The following ABCA12 variants were observed in gnomAD, a reference collection of about 807,000 sequenced individuals.
ABCA12 encodes the protein ATP binding cassette subfamily A member 12, also known as glucosylceramide transporter ABCA12.
In ABCA12, 156 loss-of-function variants were observed where a neutral mutation model predicts 293.5. The ratio of observed to expected loss-of-function variants is 0.53; its 90% CI spans 0.47 to 0.61. ABCA12 has a LOEUF of 0.61. ABCA12 is among the 20% of genes least tolerant of loss of function. ABCA12 has a pLI of 0.00. For missense variants in ABCA12, 2,797 were observed against 3,090.2 expected, an observed-to-expected ratio of 0.91 and a Z score of 2.25; for synonymous variants, 1,063 against 1,108.0, an observed-to-expected ratio of 0.96 and a Z score of 0.81.
At chr2:215,099,063 C>G (rs1336025808) in intron 2 of ABCA12, among the ~76,000 whole-genome samples, 1 of 152,228 alleles carries the variant, frequency 6.6e-6, no homozygotes, top group Non-Finnish European at 1.5e-5. Context: ...GGCTGAAGCA[C>G]TTGTTCTCAT....
At chr2:214,973,502 A>G (rs1372295182) in intron 36 of ABCA12, among the ~76,000 whole-genome samples, 2 of 152,142 alleles carry the variant, frequency 1.3e-5, no homozygotes, top group Admixed American at 1.3e-4. Flanking sequence ...TTTTCAGGAA[A>G]TGATTTTTTT....
intron 9 of ABCA12, among the ~76,000 whole-genome samples, chr2:215,031,088 A>G (rs1489703721): frequency 6.6e-6 from 1 of 152,204 alleles, no homozygotes; most frequent in African/African-American, 2.4e-5. Context: ...TACCATAATT[A>G]TCACAGTTAC....
chr2:215,116,844 G>T (rs1250624635), intron 1 of ABCA12, among the ~76,000 whole-genome samples: 1 of 152,078 alleles, frequency 6.6e-6, no homozygotes, highest in Non-Finnish European at 1.5e-5. Flanking sequence ...CAAGACAATT[G>T]GTCATGAAGG....
intron 1 of ABCA12, among the ~76,000 whole-genome samples, chr2:215,136,513 C>T (rs1275177947): frequency 6.6e-6 from 1 of 152,008 alleles, no homozygotes; most frequent in Non-Finnish European, 1.5e-5. Flanking sequence ...AGAAACAGAC[C>T]TCAGCATTCA....
chr2:215,078,223 G>A (rs1559181219), intron 2 of ABCA12, among the ~76,000 whole-genome samples: 2 of 152,144 alleles, frequency 1.3e-5, no homozygotes, highest in Non-Finnish European at 2.9e-5. Flanking sequence ...GTCTTATTCT[G>A]CAGTTTCTTA....
At chr2:214,986,490 G>A in intron 28 of ABCA12, 52 bp downstream of exon 28, 2 of 1,541,816 alleles carry the variant, frequency 1.3e-6, no homozygotes, top group Admixed American at 3.4e-5. Context: ...TTTTACACCT[G>A]TATTTTTTGT....
rs545073105 is a variant in ABCA12 at position 215,028,712 on chromosome 2, C to G, written c.1062-1774G>C. 2.3e-4 allele frequency among the ~76,000 whole-genome samples: 35 copies of G among 152,272 alleles called. 1 individual carries two copies. In the South Asian group the frequency reaches 7.0e-3, roughly 31 times the overall value. ...TGTTAAAAATGCAACAGGAGTGTGA[C>G]AGGTGACAAAACTAACCCTATTATA... On this transcript the variant is annotated intron_variant, in intron 9 of 52. Transcript: ENST00000272895.
chr2:214,961,378 C>G (rs1357807749), intron 39 of ABCA12, among the ~76,000 whole-genome samples: 1 of 152,004 alleles, frequency 6.6e-6, no homozygotes, highest in African/African-American at 2.4e-5. Context: ...ATTCTTAATT[C>G]TTTATGCTCT....
At chr2:215,009,804 AG>A (rs1700332829) in intron 18 of ABCA12, among the ~76,000 whole-genome samples, 1 of 152,184 alleles carries the variant, frequency 6.6e-6, no homozygotes, top group Admixed American at 6.5e-5. Flanking sequence ...TTAAAGTGAG[AG>A]GGAAATACTA....
chr2:214,979,250 C>A (rs1307355089), intron 31 of ABCA12, among the ~76,000 whole-genome samples: 1 of 151,990 alleles, frequency 6.6e-6, no homozygotes, highest in Admixed American at 6.6e-5. Flanking sequence ...TCTCTAACCC[C>A]CTCCCTCTCA....
intron 19 of ABCA12, 42 bp downstream of exon 19, chr2:215,007,685 A>G (rs571668397): frequency 6.2e-7 from 1 of 1,612,898 alleles, no homozygotes; most frequent in South Asian, 1.1e-5. Context: ...ATCTCAAAGA[A>G]TTCAAATTCC....
chr2:215,031,992 G>A (rs1700889060), intron 8 of ABCA12, 96 bp from the exon 9 acceptor site: 4 of 1,590,040 alleles, frequency 2.5e-6, no homozygotes, highest in Non-Finnish European at 3.4e-6. Context: ...TTAATGAGGA[G>A]AAAATGCAGA....
chr2:215,011,932 G>A lies in ABCA12; in HGVS notation c.2121+39C>T, dbSNP rs143882362. On this transcript the variant is annotated intron_variant, in intron 16 of 52. Transcript: ENST00000272895. Reference sequence around the variant, plus strand: ...TTATAACTACTCAATATGACAGAAGGCATTTTTCAACAAGAACATTACTGG... The same window carrying A: ...TTATAACTACTCAATATGACAGAAGACATTTTTCAACAAGAACATTACTGG... 3.3e-4 allele frequency: 533 copies of A among 1,600,868 alleles called. No homozygotes were observed. The African/African-American group carries it at 6.5e-3, about 20-fold the overall frequency.
chr2:215,128,178 G>T (rs1702968828), intron 1 of ABCA12, among the ~76,000 whole-genome samples: 1 of 152,134 alleles, frequency 6.6e-6, no homozygotes. Context: ...TGTTGATCTG[G>T]TAAGTTTTCC....
At chr2:214,980,262 C>T (rs1019449888) in intron 31 of ABCA12, among the ~76,000 whole-genome samples, 6 of 152,142 alleles carry the variant, frequency 3.9e-5, no homozygotes, top group African/African-American at 1.4e-4. Flanking sequence ...ATTCTGCACT[C>T]CCATCCCAGA....
At chr2:215,138,110 C>T (rs1265444880) in intron 1 of ABCA12, 30 bp downstream of exon 1, 13 of 1,602,998 alleles carry the variant, frequency 8.1e-6, no homozygotes, top group Non-Finnish European at 1.1e-5. Context: ...TGCCCCATGA[C>T]CCATACTCCC....
At chr2:215,046,719 A>G (rs1701210790) in intron 6 of ABCA12, among the ~76,000 whole-genome samples, 4 of 151,920 alleles carry the variant, frequency 2.6e-5, no homozygotes, top group Non-Finnish European at 5.9e-5. Context: ...CTCTCATTGT[A>G]TGTGGGGTTG....
At chr2:215,094,367 C>T (rs1271944072) in intron 2 of ABCA12, among the ~76,000 whole-genome samples, 1 of 152,120 alleles carries the variant, frequency 6.6e-6, no homozygotes, top group South Asian at 2.1e-4. Context: ...AAGCAGCTAG[C>T]GTTCCAACTT....
At chr2:214,994,087 G>A (rs775936624) in intron 23 of ABCA12, among the ~76,000 whole-genome samples, 13 of 151,888 alleles carry the variant, frequency 8.6e-5, no homozygotes, top group East Asian at 1.9e-4. Flanking sequence ...TTTATGCCAC[G>A]AGGAAAACAG....
Sources: allele counts gnomAD v4.1 joint callset (sites outside exome capture counted in the v4.1 genomes callset), GRCh38; gene constraint gnomAD v4.1.1; transcripts MANE v1.5; gene names NCBI Gene and HGNC (gene_info 2026-07-23, HGNC 2026-07-21).